The following MACROD2 variants were observed in gnomAD, a reference collection of about 807,000 sequenced individuals.
MACROD2 encodes the protein ADP-ribose glycohydrolase MACROD2.
MACROD2 carries 36 observed loss-of-function variants against 70.4 expected under a neutral mutation model. The observed-to-expected ratio is 0.51, with a 90% CI of 0.39 to 0.68. MACROD2 has a LOEUF of 0.68. Among genes scored for constraint, MACROD2 ranks in the 30% least tolerant of loss-of-function variants. The pLI, the probability that MACROD2 is intolerant of heterozygous loss-of-function variation, is 0.00. For missense variants in MACROD2, 496 were observed against 538.4 expected, an observed-to-expected ratio of 0.92 and a Z score of 0.78; for synonymous variants, 172 against 178.8, an observed-to-expected ratio of 0.96 and a Z score of 0.30.
intron 15 of MACROD2, among the ~76,000 whole-genome samples, chr20:16,011,786 G>A (rs544278550): frequency 9.2e-5 from 14 of 152,162 alleles, no homozygotes; most frequent in Non-Finnish European, 2.1e-4. Flanking sequence ...GCCTGTCAGG[G>A]GCTCCGGCCT....
At chr20:14,084,914 G>C (rs1013430898) in intron 2 of MACROD2, among the ~76,000 whole-genome samples, 3 of 151,490 alleles carry the variant, frequency 2.0e-5, no homozygotes, top group African/African-American at 4.9e-5. Flanking sequence ...CTTGAGGTCA[G>C]AAGTTCAAGA....
chr20:15,984,957 G>C (rs150532001), intron 13 of MACROD2, among the ~76,000 whole-genome samples: 1 of 152,082 alleles, frequency 6.6e-6, no homozygotes, highest in Non-Finnish European at 1.5e-5. Flanking sequence ...AGCTGTAACT[G>C]TCTATGTACG....
At chr20:14,895,631 G>C (rs1196369541) in intron 5 of MACROD2, 2 of 152,064 alleles carry the variant, frequency 1.3e-5, no homozygotes, top group African/African-American at 4.8e-5. Context: ...CTGAGGAAGA[G>C]GAAATGGGGA....
At chr20:15,792,031 GC>G (rs2063629001) in intron 8 of MACROD2, among the ~76,000 whole-genome samples, 1 of 152,068 alleles carries the variant, frequency 6.6e-6, no homozygotes, top group Non-Finnish European at 1.5e-5. Context: ...AGCCAACAAG[GC>G]TGTACTAGCT....
chr20:15,142,773 G>A (rs2076202009), intron 5 of MACROD2, among the ~76,000 whole-genome samples: 1 of 151,522 alleles, frequency 6.6e-6, no homozygotes. Context: ...TTGGTATTCT[G>A]TCCTTGTGAT....
intron 7 of MACROD2, among the ~76,000 whole-genome samples, chr20:15,453,988 C>T (rs975881271): frequency 2.0e-5 from 3 of 152,076 alleles, no homozygotes; most frequent in East Asian, 1.9e-4. Context: ...GTGTCTCCCA[C>T]GCAATCCGAG....
intron 5 of MACROD2, among the ~76,000 whole-genome samples, chr20:14,731,674 G>A (rs978886731): frequency 1.3e-5 from 2 of 152,112 alleles, no homozygotes; most frequent in South Asian, 2.1e-4. Flanking sequence ...GGGCCCTTTC[G>A]TCCAGGTTCA....
chr20:15,977,528 A>C (rs917835663), intron 13 of MACROD2, among the ~76,000 whole-genome samples: 1 of 152,212 alleles, frequency 6.6e-6, no homozygotes. Flanking sequence ...AAAGGATGCA[A>C]GAGAAAGTAA....
chr20:14,236,107 A>G (rs1271131850), intron 3 of MACROD2, among the ~76,000 whole-genome samples: 2 of 152,138 alleles, frequency 1.3e-5, no homozygotes, highest in African/African-American at 2.4e-5. Context: ...TTCATATTAT[A>G]TGTTTTTTTA....
chr20:15,355,262 T>G (rs957404743), intron 6 of MACROD2, among the ~76,000 whole-genome samples: 1 of 152,230 alleles, frequency 6.6e-6, no homozygotes, highest in African/African-American at 2.4e-5. Context: ...TATAACCAAC[T>G]GGCTATAAAT....
chr20:15,701,810 C>A (rs555529250), intron 8 of MACROD2, among the ~76,000 whole-genome samples: 1 of 152,252 alleles, frequency 6.6e-6, no homozygotes, highest in South Asian at 2.1e-4. Context: ...GGCTATGCCC[C>A]CTTCTCTTTC....
intron 2 of MACROD2, among the ~76,000 whole-genome samples, chr20:14,008,823 A>G (rs2052858170): frequency 6.7e-6 from 1 of 150,334 alleles, no homozygotes; most frequent in South Asian, 2.1e-4. Flanking sequence ...CACACCTACA[A>G]CCATGTGATC....
At chr20:15,181,155 TAC>T (rs2076497870) in intron 5 of MACROD2, among the ~76,000 whole-genome samples, 5 of 152,196 alleles carry the variant, frequency 3.3e-5, no homozygotes, top group Non-Finnish European at 5.9e-5. Flanking sequence ...TCTCCATATC[TAC>T]AGGTTTCACA....
chr20:13,996,223 G>GGCTGCA (rs900588818), intron 1 of MACROD2: 8 of 219,798 alleles, frequency 3.6e-5, no homozygotes, highest in Non-Finnish European at 5.3e-5. Flanking sequence ...CGGGCGCTCA[G>GGCTGCA]GCTGCAGCTG....
At chr20:14,227,439 G>A (rs965588649) in intron 3 of MACROD2, among the ~76,000 whole-genome samples, 1 of 152,072 alleles carries the variant, frequency 6.6e-6, no homozygotes, top group Non-Finnish European at 1.5e-5. Flanking sequence ...CCTGAAGCCA[G>A]CGAGACCACG....
At chr20:16,025,526 G>C (rs1238828523) in intron 15 of MACROD2, among the ~76,000 whole-genome samples, 1 of 152,164 alleles carries the variant, frequency 6.6e-6, no homozygotes, top group African/African-American at 2.4e-5. Flanking sequence ...TTAGCACCCA[G>C]GGGTTCTGGA....
chr20:15,841,344 A>G (rs574796945), intron 8 of MACROD2, among the ~76,000 whole-genome samples: 20 of 152,288 alleles, frequency 1.3e-4, no homozygotes, highest in African/African-American at 4.8e-4. Flanking sequence ...CATCGCCATA[A>G]AGAAATACCT....
chr20:14,936,481 T>C (rs1431933014), intron 5 of MACROD2, among the ~76,000 whole-genome samples: 1 of 152,186 alleles, frequency 6.6e-6, no homozygotes, highest in Non-Finnish European at 1.5e-5. Context: ...AGCCCATCTT[T>C]ATATATGCCT....
intron 2 of MACROD2, among the ~76,000 whole-genome samples, chr20:14,020,680 G>GT (rs1464242921): frequency 1.3e-5 from 2 of 152,106 alleles, no homozygotes; most frequent in African/African-American, 4.8e-5. Context: ...TTGAGTACTT[G>GT]TTGAAGGCTG....
Sources: gnomAD v4.1 joint callset for allele counts (sites outside exome capture counted in the v4.1 genomes callset) on GRCh38, gnomAD v4.1.1 for gene constraint, MANE v1.5 for transcripts, NCBI Gene and HGNC (gene_info 2026-07-23, HGNC 2026-07-21) for gene names.